NKAP: variants seen among roughly 807,000 people sequenced by gnomAD.
NKAP encodes the protein NF-kappa-B-activating protein.
A neutral mutation model predicts 35.6 loss-of-function variants in NKAP; 4 were observed. The observed-to-expected ratio is 0.11, with a 90% CI of 0.06 to 0.26. The LOEUF is 0.26. Ranked by LOEUF, NKAP falls within the 10% of genes least tolerant of loss-of-function variation. The pLI is 1.00. For missense variants in NKAP, 238 were observed against 321.9 expected, an observed-to-expected ratio of 0.74 and a Z score of 1.99; for synonymous variants, 106 against 119.2, an observed-to-expected ratio of 0.89 and a Z score of 0.72.
chrX:119,942,963 C>G, intron 1 of NKAP: 1 of 361,534 alleles, frequency 2.8e-6, no homozygotes, highest in Non-Finnish European at 4.8e-6. Context: ...TCTGAACTCT[C>G]GGCAATATTC....
At chrX:119,929,925 A>G (rs1029089168) in intron 8 of NKAP, 91 bp downstream of exon 8, 4 of 911,000 alleles carry the variant, frequency 4.4e-6, no homozygotes, top group Non-Finnish European at 6.0e-6. Context: ...ACAGTCACTT[A>G]ATGAAAATCA....
At chrX:119,930,580 AGGCTGAGGCG>A (rs2056735462) in intron 7 of NKAP, among the ~76,000 whole-genome samples, 1 of 111,739 alleles carries the variant, frequency 8.9e-6, no homozygotes, top group South Asian at 3.7e-4. Context: ...ACACTTTGGG[AGGCTGAGGCG>A]GGAGGATCAC....
In NKAP at chrX:119,920,736, AT is replaced by A. The variant is rs2056684868; in HGVS notation, c.*4483del. ...ACACAATCCAGCTGTATTTTTTTGCATTCATTCATTTTCCATTCTGCAACCT... is the reference window on the plus strand; with the variant it reads ...ACACAATCCAGCTGTATTTTTTTGCATCATTCATTTTCCATTCTGCAACCT... On this transcript the variant is annotated 3_prime_UTR_variant, in exon 9 of 9. Transcript: ENST00000371410. 1 of 473,005 alleles carries A rather than the reference AT, an allele frequency of 2.1e-6. No homozygotes were observed. Among genetic ancestry groups the A allele is most frequent in the Admixed American group, 4.3e-5 (1 of 23,304 alleles). 39.0% of individuals were successfully genotyped at this position (473,005 alleles called of 1,213,427 possible).
At position 119,920,710 on chromosome X, in the gene NKAP, C is replaced by A; in HGVS notation, c.*4510G>T. 1.7e-6 allele frequency: 1 copy of A among 587,275 alleles called. No homozygotes were observed. Among genetic ancestry groups the A allele is most frequent in the Non-Finnish European group, 2.6e-6 (1 of 389,516 alleles). 48.4% of individuals were successfully genotyped at this position (587,275 alleles called of 1,213,427 possible). A position where few individuals can be genotyped will look rare whatever the true frequency, so the allele number is the denominator to read the frequency against. On this transcript the variant is annotated 3_prime_UTR_variant, in exon 9 of 9. Coordinates refer to ENST00000371410, the MANE Select transcript of NKAP (RefSeq NM_024528.4). ...TATTTATTGAGTAATAAACTTGTGGCACACAATCCAGCTGTATTTTTTTGC... is the reference window on the plus strand; with the variant it reads ...TATTTATTGAGTAATAAACTTGTGGAACACAATCCAGCTGTATTTTTTTGC...
At chrX:119,930,221 G>T (rs926001644) in intron 7 of NKAP, 56 bp from the exon 8 acceptor site, 40 of 1,090,538 alleles carry the variant, frequency 3.7e-5, no homozygotes, top group Middle Eastern at 2.5e-4. Flanking sequence ...AATATTAAAA[G>T]CTTATAATCT....
At chrX:119,938,700 A>G in intron 2 of NKAP, 30 bp downstream of exon 2, 3 of 1,028,504 alleles carry the variant, frequency 2.9e-6, no homozygotes, top group Non-Finnish European at 4.0e-6. Context: ...ATATTATAAC[A>G]TTTTAAAAAT....
intron 5 of NKAP, 35 bp downstream of exon 5, chrX:119,934,459 A>AAT: frequency 2.3e-6 from 2 of 856,759 alleles, no homozygotes; most frequent in Non-Finnish European, 3.2e-6. Context: ...AAAAAAAGAA[A>AAT]AGAAATTTTC....
intron 8 of NKAP, 34 bp from the exon 9 acceptor site, chrX:119,925,428 A>T (rs1481761682): frequency 3.4e-6 from 4 of 1,170,420 alleles, no homozygotes; most frequent in Non-Finnish European, 4.6e-6. Flanking sequence ...TTAATTTCTC[A>T]GTAATTATTT....
chrX:119,941,555 G>A (rs1213147357), intron 1 of NKAP, among the ~76,000 whole-genome samples: 1 of 112,045 alleles, frequency 8.9e-6, no homozygotes, highest in African/African-American at 3.2e-5. Context: ...GGCAAATAAA[G>A]GCTTCATACT....
At chrX:119,927,381 G>A (rs2056720477) in intron 8 of NKAP, among the ~76,000 whole-genome samples, 1 of 110,582 alleles carries the variant, frequency 9.0e-6, no homozygotes, top group Non-Finnish European at 1.9e-5. Flanking sequence ...TTTTGCTCTT[G>A]TTGCCCAGAC....
At chrX:119,943,087 A>C in intron 1 of NKAP, 133 bp downstream of exon 1, 1 of 870,476 alleles carries the variant, frequency 1.1e-6, no homozygotes, top group Non-Finnish European at 1.6e-6. Context: ...GGGTGGATTA[A>C]AGAAAGGGAT....
chrX:119,933,344 C>G (rs747169146), intron 5 of NKAP, among the ~76,000 whole-genome samples: 2 of 111,343 alleles, frequency 1.8e-5, no homozygotes, highest in Admixed American at 1.9e-4. Flanking sequence ...ATTTTACAAC[C>G]CCTAATGAAA....
At position 119,925,220 on chromosome X, in the gene NKAP, T is replaced by C. The variant is rs939234901; in HGVS notation, c.1248A>G (p.Ter416=). ...TGTCTTCTGGACAATCAGAAAATCT[T>C]TATTTGTCATCCTTCCCTTTGGTCT... is the stretch of plus-strand genomic sequence containing the variant. The part of the protein sequence containing the change: ...YRKTKGKDDK[*] The change falls in exon 9 of 9, where the codon TAA becomes TAG. Residue 416 remains the stop codon, a stop_retained_variant. Transcript: ENST00000371410. 3 of 1,208,514 alleles carry C rather than the reference T, an allele frequency of 2.5e-6. No homozygotes were observed. The Admixed American group carries it at 6.7e-5, about 27-fold the overall frequency.
At chrX:119,931,757 A>G (rs776978666) in intron 7 of NKAP, among the ~76,000 whole-genome samples, 179 bp downstream of exon 7, 5 of 111,239 alleles carry the variant, frequency 4.5e-5, no homozygotes, top group African/African-American at 1.6e-4. Flanking sequence ...TGAAGAAATA[A>G]GCTGAACATG....
chrX:119,926,661 T>C, intron 8 of NKAP, among the ~76,000 whole-genome samples: 1 of 111,760 alleles, frequency 8.9e-6, no homozygotes, highest in East Asian at 2.8e-4. Context: ...CTAGGTGACA[T>C]ATCCATTTGC....
chrX:119,941,616 C>G (rs376508289), intron 1 of NKAP, among the ~76,000 whole-genome samples: 3 of 108,562 alleles, frequency 2.8e-5, no homozygotes, highest in African/African-American at 6.6e-5. Flanking sequence ...CTGTTCTTCT[C>G]TTTGTTTTTT....
At chrX:119,926,434 T>C (rs1369858975) in intron 8 of NKAP, among the ~76,000 whole-genome samples, 3 of 108,656 alleles carry the variant, frequency 2.8e-5, no homozygotes, top group Non-Finnish European at 3.8e-5. Flanking sequence ...GCCCGACTAA[T>C]TTTTGTATTT....
chrX:119,934,791 T>A (rs769374387), intron 4 of NKAP, among the ~76,000 whole-genome samples: 2 of 111,030 alleles, frequency 1.8e-5, no homozygotes, highest in South Asian at 7.5e-4. Flanking sequence ...TTGTGTGAGA[T>A]AGTGTGGTGG....
chrX:119,930,643 ACC>A (rs1320506788), intron 7 of NKAP, among the ~76,000 whole-genome samples: 1 of 110,112 alleles, frequency 9.1e-6, no homozygotes, highest in Non-Finnish European at 1.9e-5. Flanking sequence ...ACATAGCGAA[ACC>A]CCGTCTCTAC....
Sources: allele counts gnomAD v4.1 joint callset (sites outside exome capture counted in the v4.1 genomes callset), GRCh38; gene constraint gnomAD v4.1.1; transcripts MANE v1.5; gene names NCBI Gene and HGNC (gene_info 2026-07-23, HGNC 2026-07-21).